The following FAM161A variants were observed in gnomAD, a reference collection of about 807,000 sequenced individuals.
FAM161A encodes protein FAM161A.
Under a neutral mutation model 70.9 loss-of-function variants are expected in FAM161A, and 57 were observed. The ratio of observed to expected loss-of-function variants is 0.80; its 90% CI spans 0.65 to 1.00. FAM161A has a LOEUF of 1.00. FAM161A is among the 50% of genes least tolerant of loss of function. The probability of loss-of-function intolerance (pLI) is 0.00; values close to 1 mark genes in which losing one functional copy is unlikely to be tolerated. For missense variants in FAM161A, 880 were observed against 836.0 expected, an observed-to-expected ratio of 1.05 and a Z score of -0.65; for synonymous variants, 299 against 295.7, an observed-to-expected ratio of 1.01 and a Z score of -0.12.
chr2:61,844,323 G>A (rs1356254936), intron 1 of FAM161A, among the ~76,000 whole-genome samples: 5 of 152,100 alleles, frequency 3.3e-5, no homozygotes, highest in Non-Finnish European at 7.3e-5. Context: ...TGACTACTTT[G>A]TGAATTTCCT....
At position 61,851,730 on chromosome 2, in the gene FAM161A, C is replaced by T. The variant is rs144896182; in HGVS notation, c.183+2129G>A. Reference sequence around the variant, plus strand: ...AGATTCAAGGAACAGGCATCAGTGCCCAATATGGGCACTGCAAGGGGGGTG... The same window carrying T: ...AGATTCAAGGAACAGGCATCAGTGCTCAATATGGGCACTGCAAGGGGGGTG... On this transcript the variant is annotated intron_variant, in intron 1 of 6. Transcript: ENST00000404929. Among the ~76,000 whole-genome samples, 1,209 of 151,364 alleles carry T rather than the reference C, an allele frequency of 8.0e-3. 11 individuals carry two copies. The highest frequency in any genetic ancestry group is 0.037 in the Middle Eastern group (11 of 294).
Position 61,835,052 on chromosome 2 carries a change from G to A in FAM161A, c.1851+958C>T, listed in dbSNP as rs1051507241. Among the ~76,000 whole-genome samples, 7 of 152,264 alleles carry A rather than the reference G, an allele frequency of 4.6e-5. No individual in the cohort carries two copies. The South Asian group carries it at 1.5e-3, about 32-fold the overall frequency. ...TATATAAAATTATATCTAGATCAGT[G>A]AGCAAAAAGATTACGTAACTTTGAG... is the stretch of plus-strand genomic sequence containing the variant. On this transcript the variant is annotated intron_variant, in intron 5 of 6. Coordinates refer to ENST00000404929, the MANE Select transcript of FAM161A (RefSeq NM_001201543.2).
the FAM161A span, among the ~76,000 whole-genome samples, chr2:61,819,154 C>T: frequency 6.6e-6 from 1 of 152,140 alleles, no homozygotes; most frequent in Non-Finnish European, 1.5e-5. Context: ...ACAAAAAAGG[C>T]AGAGAGCTGT....
intron 1 of FAM161A, among the ~76,000 whole-genome samples, chr2:61,851,165 C>T (rs941739040): frequency 2.6e-5 from 4 of 152,008 alleles, no homozygotes; most frequent in East Asian, 1.9e-4. Flanking sequence ...TGAGCCACCG[C>T]GCCCGGCCCT....
chr2:61,848,219 G>A (rs373706651), intron 1 of FAM161A, among the ~76,000 whole-genome samples: 2 of 152,152 alleles, frequency 1.3e-5, no homozygotes, highest in Non-Finnish European at 2.9e-5. Context: ...AGAAGAATGA[G>A]TAGCTTCTGA....
At chr2:61,831,165 A>T (rs1430918582) in intron 5 of FAM161A, among the ~76,000 whole-genome samples, 1 of 151,754 alleles carries the variant, frequency 6.6e-6, no homozygotes, top group Non-Finnish European at 1.5e-5. Flanking sequence ...ATAATAAATC[A>T]TTGCTGCATA....
rs1415152006 is a variant in FAM161A, at chr2:61,842,494, A to G, written c.184-134T>C. On this transcript the variant is annotated intron_variant, in intron 1 of 6. Coordinates refer to ENST00000404929, the MANE Select transcript of FAM161A (RefSeq NM_001201543.2). ...CATTAATTATGGGCTATGCATATAG[A>G]ATGAGTTATAGGTTATTTGTGGGCT... 5 of 620,358 alleles carry G rather than the reference A, an allele frequency of 8.1e-6. No individual in the cohort carries two copies. The East Asian group carries it at 1.4e-4, about 17-fold the overall frequency. 38.4% of individuals were successfully genotyped at this position (620,358 alleles called of 1,614,324 possible).
intron 1 of FAM161A, among the ~76,000 whole-genome samples, chr2:61,845,752 G>A (rs1399832530): frequency 6.6e-6 from 1 of 151,376 alleles, no homozygotes; most frequent in East Asian, 2.0e-4. Context: ...CCGTGAGCGC[G>A]CCACTGCACT....
At chr2:61,848,483 T>C (rs961166416) in intron 1 of FAM161A, among the ~76,000 whole-genome samples, 16 of 152,126 alleles carry the variant, frequency 1.1e-4, no homozygotes, top group Non-Finnish European at 2.2e-4. Flanking sequence ...GAGCCTAAAA[T>C]AGCATCCTCT....
intron 6 of FAM161A, 70 bp downstream of exon 6, chr2:61,827,034 T>C: frequency 6.9e-7 from 1 of 1,457,448 alleles, no homozygotes. Flanking sequence ...ATACATAGTA[T>C]AAAATTGTGC....
Position 61,826,247 on chromosome 2 carries a change from G to C in FAM161A, c.*208C>G, listed in dbSNP as rs778754606. 1.9e-4 allele frequency: 129 copies of C among 690,624 alleles called. No individual in the cohort carries two copies. Among genetic ancestry groups the C allele is most frequent in the Non-Finnish European group, 1.1e-5 (4 of 379,992 alleles). The allele number at this position is 690,624 out of a possible 1,614,324, so 42.8% of individuals were successfully genotyped here. A position where few individuals can be genotyped will look rare whatever the true frequency, so the allele number is the denominator to read the frequency against. ...TAGTTGCAAACAGATAATACACAAT[G>C]ATTTTTAAAACTGAATAGGCAAAGC... On this transcript the variant is annotated 3_prime_UTR_variant, in exon 7 of 7. Coordinates refer to ENST00000404929, the MANE Select transcript of FAM161A (RefSeq NM_001201543.2).
At chr2:61,803,348 C>T in the FAM161A span, 1 of 694,684 alleles carries the variant, frequency 1.4e-6, no homozygotes, top group East Asian at 2.7e-5. Context: ...CATAGACTTG[C>T]AAGACATGGC....
rs1386587932 is a variant in FAM161A, at chr2:61,838,712, G to T, written c.1584-7C>A. ...CTTTTCCTCAAGTGATCTCCTGAGG[G>T]TAACAAACTAAGGCTTAATCCACTT... On this transcript the variant is annotated splice_polypyrimidine_tract_variant and splice_region_variant and intron_variant, in intron 3 of 6. Transcript: ENST00000404929. 6.3e-7 allele frequency: 1 copy of T among 1,589,436 alleles called. No individual in the cohort carries two copies. The highest frequency in any genetic ancestry group is 1.8e-5 in the Admixed American group (1 of 56,438).
At chr2:61,812,921 T>C in the FAM161A span, among the ~76,000 whole-genome samples, 1 of 150,370 alleles carries the variant, frequency 6.7e-6, no homozygotes, top group Non-Finnish European at 1.5e-5. Context: ...TACAAAAAAT[T>C]AGCTGGGCGT....
rs1467151575 is a variant in FAM161A, at chr2:61,842,258, A to T, written c.286T>A (p.Phe96Ile). 5.6e-6 allele frequency: 9 copies of T among 1,613,394 alleles called. No homozygotes were observed. The highest frequency in any genetic ancestry group is 5.9e-6 in the Non-Finnish European group (7 of 1,179,376). The change falls in exon 2 of 7, where the codon TTC (phenylalanine) becomes ATC (isoleucine). Residue 96 changes from phenylalanine to isoleucine, a missense_variant. By Grantham distance (21) the Phe-to-Ile change is conservative. Coordinates refer to ENST00000404929, the MANE Select transcript of FAM161A (RefSeq NM_001201543.2). The part of the protein sequence containing the change: ...PDIHHSNEEY[F>I]KKVEELKAAH... ...GCCTTCAACTCTTCTACTTTCTTGA[A>T]ATACTCCTCATTAGAGTGGTGAATA...
At chr2:61,835,739 A>G (rs1004493862) in intron 5 of FAM161A, 7 of 377,726 alleles carry the variant, frequency 1.9e-5, no homozygotes, top group African/African-American at 1.0e-4. Flanking sequence ...TACGTTGCAC[A>G]GGTTGGACCA....
chr2:61,836,437 A>G, intron 4 of FAM161A: 1 of 204,986 alleles, frequency 4.9e-6, no homozygotes. Context: ...TGAAAAGATG[A>G]ATGAAAGTCC....
In FAM161A at chr2:61,825,597, C is replaced by CA. The variant is rs1257837756; in HGVS notation, c.*857dup. On this transcript the variant is annotated 3_prime_UTR_variant, in exon 7 of 7. Transcript: ENST00000404929. ...ACAATTTAACAGTAAACTCTCAGTG[C>CA]AAAAATAAATGTAAATTTGCAAGTA... is the stretch of plus-strand genomic sequence containing the variant. The CA allele has an allele frequency of 6.9e-6, 3 of 437,540 alleles. No homozygotes were observed. The highest frequency in any genetic ancestry group is 1.4e-4 in the East Asian group (2 of 14,238). 27.1% of individuals were successfully genotyped at this position (437,540 alleles called of 1,614,324 possible). A position where few individuals can be genotyped will look rare whatever the true frequency, so the allele number is the denominator to read the frequency against.
At chr2:61,845,075 C>T (rs1673157381) in intron 1 of FAM161A, among the ~76,000 whole-genome samples, 1 of 152,130 alleles carries the variant, frequency 6.6e-6, no homozygotes, top group African/African-American at 2.4e-5. Context: ...AGAGCAGATA[C>T]AGGAGCCACC....
Sources: allele counts gnomAD v4.1 joint callset (sites outside exome capture counted in the v4.1 genomes callset), GRCh38; gene constraint gnomAD v4.1.1; transcripts MANE v1.5; gene names NCBI Gene and HGNC (gene_info 2026-07-23, HGNC 2026-07-21).